DKK2: variants seen among roughly 807,000 people sequenced by gnomAD.
The protein encoded by DKK2 is dickkopf Wnt signaling pathway inhibitor 2.
Under a neutral mutation model 28.1 loss-of-function variants are expected in DKK2, and 11 were observed. That is an observed-to-expected ratio of 0.39 (90% CI 0.25 to 0.65). The LOEUF is 0.65. Ranked by LOEUF, DKK2 falls within the 30% of genes least tolerant of loss-of-function variation. The pLI is 0.47. For synonymous variants in DKK2, 135 were observed against 126.5 expected, an observed-to-expected ratio of 1.07 and a Z score of -0.45; for missense variants, 326 against 335.5, an observed-to-expected ratio of 0.97 and a Z score of 0.22.
intron 1 of DKK2, among the ~76,000 whole-genome samples, chr4:106,949,400 G>A (rs771366913): frequency 6.6e-6 from 1 of 152,106 alleles, no homozygotes; most frequent in Non-Finnish European, 1.5e-5. Flanking sequence ...TCTTCTCTGT[G>A]GGTGGGTGGC....
chr4:106,992,725 G>A (rs754908995), intron 1 of DKK2, among the ~76,000 whole-genome samples: 9 of 152,116 alleles, frequency 5.9e-5, no homozygotes, highest in South Asian at 2.1e-4. Context: ...CAACCCTCTC[G>A]GGTAAATTCT....
intron 1 of DKK2, among the ~76,000 whole-genome samples, chr4:106,973,348 C>T (rs572863126): frequency 3.3e-5 from 5 of 152,322 alleles, no homozygotes; most frequent in African/African-American, 7.2e-5. Context: ...TTAACACTCC[C>T]ACCAACAGTG....
chr4:106,993,146 G>C (rs1723228143), intron 1 of DKK2, among the ~76,000 whole-genome samples: 1 of 152,224 alleles, frequency 6.6e-6, no homozygotes, highest in Non-Finnish European at 1.5e-5. Flanking sequence ...TAAAATAACT[G>C]TTCAGAGCAT....
Position 107,035,668 on chromosome 4 carries a change from G to T in DKK2, c.-77C>A, listed in dbSNP as rs566892644. The T allele has an allele frequency of 5.3e-6, 8 of 1,520,110 alleles. No homozygotes were observed. The highest frequency in any genetic ancestry group is 1.1e-5 in the South Asian group (1 of 87,024). 94.2% of individuals were successfully genotyped at this position (1,520,110 alleles called of 1,614,324 possible). On this transcript the variant is annotated 5_prime_UTR_variant, in exon 1 of 4. Transcript: ENST00000285311. ...GCAAAGGGAGGGAGGACCCCAACAC[G>T]GGGCCCCTCACTTGGGTCGCGGGGG...
rs973718419 is a variant in DKK2, at chr4:107,015,784, T to C, written c.222+19586A>G. Among the ~76,000 whole-genome samples the C allele has an allele frequency of 2.0e-5, 3 of 151,762 alleles. No individual in the cohort carries two copies. The East Asian group carries it at 5.8e-4, about 29-fold the overall frequency. On this transcript the variant is annotated intron_variant, in intron 1 of 3. Transcript: ENST00000285311. ...CACAGTGTCAGTTAAATAACTGTCC[T>C]TTTCATCTCTCTTAATACATGAATA...
chr4:106,946,841 G>A (rs536869216), intron 1 of DKK2, among the ~76,000 whole-genome samples: 1 of 151,946 alleles, frequency 6.6e-6, no homozygotes, highest in African/African-American at 2.4e-5. Flanking sequence ...CTTATAAATA[G>A]GTGCTCTACC....
At chr4:106,942,210 G>C (rs1005113560) in intron 1 of DKK2, among the ~76,000 whole-genome samples, 1 of 152,050 alleles carries the variant, frequency 6.6e-6, no homozygotes, top group South Asian at 2.1e-4. Context: ...CATACACAAC[G>C]TGTTAGTAAT....
chr4:107,033,573 A>ATG (rs1474276335), intron 1 of DKK2, among the ~76,000 whole-genome samples: 2 of 152,222 alleles, frequency 1.3e-5, no homozygotes, highest in Non-Finnish European at 2.9e-5. Context: ...AACATCAGGT[A>ATG]TGTTGGCCCA....
At position 106,952,662 on chromosome 4, in the gene DKK2, C is replaced by G. The variant is rs947532901; in HGVS notation, c.223-26713G>C. ...TCAGTGAGTCCATAAAGTAAGCAGC[C>G]TTCTCAAAAATAAAAATAGCCTCCA... On this transcript the variant is annotated intron_variant, in intron 1 of 3. Transcript: ENST00000285311. Among the ~76,000 whole-genome samples, 21 of 152,140 alleles carry G rather than the reference C, an allele frequency of 1.4e-4. 1 individual carries two copies. Among genetic ancestry groups the G allele is most frequent in the South Asian group, 8.3e-4 (4 of 4,810 alleles).
intron 1 of DKK2, among the ~76,000 whole-genome samples, chr4:107,020,613 AAATCTATGGGTAC>A (rs2110373182): frequency 6.6e-6 from 1 of 152,260 alleles, no homozygotes; most frequent in African/African-American, 2.4e-5. Flanking sequence ...AGAATTGTAT[AAATCTATGGGTAC>A]AAGTAATATT....
chr4:107,027,913 G>A (rs954994855), intron 1 of DKK2, among the ~76,000 whole-genome samples: 1 of 151,788 alleles, frequency 6.6e-6, no homozygotes, highest in Non-Finnish European at 1.5e-5. Context: ...CACCACGCCC[G>A]GCTAATTTTT....
intron 1 of DKK2, among the ~76,000 whole-genome samples, chr4:107,010,193 T>A (rs1453711917): frequency 6.6e-6 from 1 of 151,786 alleles, no homozygotes; most frequent in Non-Finnish European, 1.5e-5. Context: ...TCATAGTATG[T>A]GATTTTATTT....
chr4:106,927,351 T>A (rs1256903293), intron 1 of DKK2, among the ~76,000 whole-genome samples: 2 of 152,184 alleles, frequency 1.3e-5, no homozygotes, highest in African/African-American at 4.8e-5. Context: ...GTTTAGGTGA[T>A]CAGATCATCT....
intron 2 of DKK2, 70 bp from the exon 3 acceptor site, chr4:106,924,770 C>G: frequency 6.9e-7 from 1 of 1,443,422 alleles, no homozygotes; most frequent in Non-Finnish European, 9.5e-7. Context: ...CACATACTCT[C>G]TTGATGTGAA....
intron 1 of DKK2, among the ~76,000 whole-genome samples, chr4:106,935,519 G>A (rs1400035222): frequency 6.6e-6 from 1 of 152,226 alleles, no homozygotes; most frequent in Admixed American, 6.5e-5. Context: ...CAAACTGCAA[G>A]GCGGCAGCGA....
At chr4:106,944,723 ATGT>A (rs1268452979) in intron 1 of DKK2, among the ~76,000 whole-genome samples, 1 of 152,088 alleles carries the variant, frequency 6.6e-6, no homozygotes, top group Non-Finnish European at 1.5e-5. Context: ...GCATTTGAAA[ATGT>A]TAAGTCTTAT....
chr4:107,018,473 G>A (rs1210606576), intron 1 of DKK2, among the ~76,000 whole-genome samples: 2 of 152,006 alleles, frequency 1.3e-5, no homozygotes, highest in African/African-American at 2.4e-5. Flanking sequence ...TAGGAAGAGG[G>A]GATTAAAGGC....
chr4:107,006,789 C>A (rs1723443794), intron 1 of DKK2, among the ~76,000 whole-genome samples: 1 of 152,264 alleles, frequency 6.6e-6, no homozygotes, highest in East Asian at 1.9e-4. Context: ...ACATGTATAA[C>A]TGTTAAATAA....
chr4:106,942,549 G>A (rs1314664487), intron 1 of DKK2, among the ~76,000 whole-genome samples: 2 of 151,962 alleles, frequency 1.3e-5, no homozygotes, highest in Non-Finnish European at 2.9e-5. Flanking sequence ...TAGCAGATAT[G>A]GGGCTTCAAA....
Sources: allele counts gnomAD v4.1 joint callset (sites outside exome capture counted in the v4.1 genomes callset), GRCh38; gene constraint gnomAD v4.1.1; transcripts MANE v1.5; gene names NCBI Gene and HGNC (gene_info 2026-07-23, HGNC 2026-07-21).